ERI1: variants seen among roughly 807,000 people sequenced by gnomAD.
ERI1 encodes exoribonuclease 1, also known as 3'-5' exoribonuclease 1.
In ERI1, 39 loss-of-function variants were observed where a neutral mutation model predicts 39.7. The ratio of observed to expected loss-of-function variants is 0.98; its 90% CI spans 0.76 to 1.28. ERI1 has a LOEUF of 1.28. Ranked by LOEUF, ERI1 falls within the 50% of genes most tolerant of loss-of-function variation. The probability of loss-of-function intolerance (pLI) is 0.00; values close to 1 mark genes in which losing one functional copy is unlikely to be tolerated. For synonymous variants in ERI1, 204 were observed against 149.6 expected (o/e 1.36, Z -2.65); for missense variants, 581 against 416.9 (o/e 1.39, Z -3.43).
chr8:9,092,987 T>A (rs1799755129), intron 3 of ERI1, among the ~76,000 whole-genome samples: 1 of 152,222 alleles, frequency 6.6e-6, no homozygotes, highest in Non-Finnish European at 1.5e-5. Context: ...CCCATCACTC[T>A]AATGGTTGCC....
intron 6 of ERI1, among the ~76,000 whole-genome samples, chr8:9,024,672 C>G (rs114807283): frequency 3.3e-5 from 5 of 152,074 alleles, no homozygotes; most frequent in Non-Finnish European, 5.9e-5. Context: ...GATCTGCCCC[C>G]CCTCGGCCTC....
rs1444470796 is a variant in ERI1 at position 9,020,408 on chromosome 8, C to A, written c.751C>A (p.Pro251Thr). The change falls in exon 6 of 7, where the codon CCT becomes ACT. Residue 251 changes from proline (P) to threonine (T), a missense_variant. By Grantham distance (38) the Pro-to-Thr change is conservative. Coordinates refer to ENST00000250263, the MANE Select transcript of ERI1 (RefSeq NM_153332.4). ...GTGTCAACTCAGCAGGCTCAAATACCCTCCTTTTGCGAAAAAGTGGATCAA... is the reference window on the plus strand; with the variant it reads ...GTGTCAACTCAGCAGGCTCAAATACACTCCTTTTGCGAAAAAGTGGATCAA... ...IQCQLSRLKYPPFAKKWINIR... is the reference protein window; with the variant it reads ...IQCQLSRLKYTPFAKKWINIR... 1.2e-6 allele frequency: 2 copies of A among 1,606,600 alleles called. No individual in the cohort carries two copies. Among genetic ancestry groups the A allele is most frequent in the Non-Finnish European group, 1.7e-6 (2 of 1,177,012 alleles).
intron 3 of ERI1, among the ~76,000 whole-genome samples, chr8:9,053,393 G>A (rs1157530331): frequency 6.6e-6 from 1 of 152,176 alleles, no homozygotes; most frequent in Non-Finnish European, 1.5e-5. Flanking sequence ...GCTTCCAGGA[G>A]CTTCTGGGTT....
intron 2 of ERI1, chr8:9,009,015 T>A (rs1218671415): frequency 4.4e-6 from 2 of 456,188 alleles, no homozygotes; most frequent in Non-Finnish European, 4.4e-6. Flanking sequence ...ATTTCCCCGA[T>A]TCTTTCTGTT....
chr8:9,039,859 G>A (rs955984933), intron 3 of ERI1, among the ~76,000 whole-genome samples: 1 of 152,004 alleles, frequency 6.6e-6, no homozygotes, highest in African/African-American at 2.4e-5. Context: ...GACTGTATTT[G>A]GAGTAAATAT....
At chr8:9,054,997 A>T (rs762678322) in intron 3 of ERI1, among the ~76,000 whole-genome samples, 1 of 152,224 alleles carries the variant, frequency 6.6e-6, no homozygotes, top group Non-Finnish European at 1.5e-5. Context: ...AAAGGGTATG[A>T]ACTGTTAAAA....
chr8:9,003,629 G>A (rs1458267342), intron 1 of ERI1, among the ~76,000 whole-genome samples: 6 of 152,164 alleles, frequency 3.9e-5, no homozygotes, highest in Non-Finnish European at 8.8e-5. Context: ...GTTAAGTGGA[G>A]CTTCGTCTTA....
At chr8:9,015,060 C>T (rs2117219682) in intron 3 of ERI1, among the ~76,000 whole-genome samples, 1 of 152,248 alleles carries the variant, frequency 6.6e-6, no homozygotes, top group African/African-American at 2.4e-5. Flanking sequence ...TGGTCTTGAA[C>T]TCCTGACCTC....
At chr8:9,065,857 C>G (rs139738298) in intron 3 of ERI1, among the ~76,000 whole-genome samples, 73 of 152,180 alleles carry the variant, frequency 4.8e-4, no homozygotes, top group African/African-American at 1.7e-3. Flanking sequence ...CTGTTGCAAA[C>G]TCATGTTGTG....
At position 9,032,863 on chromosome 8, in the gene ERI1, C is replaced by A. The variant is rs944959927; in HGVS notation, c.*2829C>A. 1 of 152,260 alleles carries A rather than the reference C, an allele frequency of 6.6e-6. No homozygotes were observed. Among genetic ancestry groups the A allele is most frequent in the East Asian group, 1.9e-4 (1 of 5,190 alleles). 9.4% of individuals were successfully genotyped at this position (152,260 alleles called of 1,614,324 possible). A position where few individuals can be genotyped will look rare whatever the true frequency, so the allele number is the denominator to read the frequency against. On this transcript the variant is annotated 3_prime_UTR_variant, in exon 7 of 7. Coordinates refer to ENST00000250263, the MANE Select transcript of ERI1 (RefSeq NM_153332.4). ...TACCTGCCTCACAGATGAGCACGCA[C>A]GGGTGCATTGTCAAAGTCTGAGAAG...
chr8:9,098,794 A>G (rs1013957568), intron 3 of ERI1, among the ~76,000 whole-genome samples: 3 of 152,210 alleles, frequency 2.0e-5, no homozygotes, highest in African/African-American at 7.2e-5. Context: ...ATTGACTTAC[A>G]GCAAATTGCA....
At chr8:9,073,251 C>T (rs1799110752) in intron 3 of ERI1, among the ~76,000 whole-genome samples, 1 of 152,236 alleles carries the variant, frequency 6.6e-6, no homozygotes, top group Non-Finnish European at 1.5e-5. Flanking sequence ...TTAACCACCA[C>T]ATAGTAGCAT....
rs1475093301 is a variant in ERI1, at chr8:9,020,342, A to G, written c.693-8A>G. The G allele has an allele frequency of 6.6e-7, 1 of 1,515,244 alleles. No homozygotes were observed. Among genetic ancestry groups the G allele is most frequent in the Non-Finnish European group, 8.9e-7 (1 of 1,126,994 alleles). 93.9% of individuals were successfully genotyped at this position (1,515,244 alleles called of 1,614,324 possible). ...TTCATCAATTTTTTGTCCTTTTTTA[A>G]TTTATAGTTCTTGGGATATGAGTAA... On this transcript the variant is annotated splice_polypyrimidine_tract_variant and splice_region_variant and intron_variant, in intron 5 of 6. Transcript: ENST00000250263.
downstream of ERI1, among the ~76,000 whole-genome samples, chr8:9,037,416 CCTCT>C (rs1291096928): frequency 2.0e-5 from 3 of 151,596 alleles, no homozygotes; most frequent in East Asian, 1.9e-4. Context: ...GCAACAACTC[CCTCT>C]ATTTGTTCAT....
Position 9,065,612 on chromosome 8 carries a change from A to G in ERI1, n.299+45148A>G, listed in dbSNP as rs1038575743. ...CGGGAGGCTGAGGCAGGAAAATGGC[A>G]TGAACCCGGGAGGCGGAGCTTGCAG... On this transcript the variant is annotated intron_variant and non_coding_transcript_variant, in intron 3 of 3. Transcript: ENST00000518663. 6.9e-4 allele frequency among the ~76,000 whole-genome samples: 103 copies of G among 149,982 alleles called. 1 individual carries two copies. Among genetic ancestry groups the G allele is most frequent in the African/African-American group, 1.2e-3 (48 of 40,924 alleles).
At position 9,002,899 on chromosome 8, in the gene ERI1, A is replaced by C. The variant is rs1202656891; in HGVS notation, c.-165A>C. ...CGCCTGCCCGGCGTGTGGACGCCACACGCTCCCGGAAGTGGGAGGTGGCCG... is the reference window on the plus strand; with the variant it reads ...CGCCTGCCCGGCGTGTGGACGCCACCCGCTCCCGGAAGTGGGAGGTGGCCG... On this transcript the variant is annotated 5_prime_UTR_variant, in exon 1 of 7. Transcript: ENST00000250263. 5 of 443,190 alleles carry C rather than the reference A, an allele frequency of 1.1e-5. No homozygotes were observed. The highest frequency in any genetic ancestry group is 2.0e-5 in the African/African-American group (1 of 49,408). 27.5% of individuals were successfully genotyped at this position (443,190 alleles called of 1,614,324 possible). A position where few individuals can be genotyped will look rare whatever the true frequency, so the allele number is the denominator to read the frequency against.
At chr8:9,075,638 C>T (rs1166499421) in intron 3 of ERI1, among the ~76,000 whole-genome samples, 1 of 152,042 alleles carries the variant, frequency 6.6e-6, no homozygotes, top group Non-Finnish European at 1.5e-5. Flanking sequence ...CTTAGGAAAG[C>T]CACAAAGAAT....
intron 3 of ERI1, among the ~76,000 whole-genome samples, chr8:9,072,176 A>G (rs1799072739): frequency 1.3e-5 from 2 of 152,170 alleles, no homozygotes; most frequent in South Asian, 4.1e-4. Context: ...ACGTTTGACA[A>G]TAGCTTTCCT....
intron 3 of ERI1, among the ~76,000 whole-genome samples, chr8:9,046,410 T>C (rs1232687266): frequency 6.6e-6 from 1 of 152,182 alleles, no homozygotes; most frequent in East Asian, 1.9e-4. Flanking sequence ...ACCTCTGCAG[T>C]TCCTGAGGCC....
Sources: gnomAD v4.1 joint callset for allele counts (sites outside exome capture counted in the v4.1 genomes callset) on GRCh38, gnomAD v4.1.1 for gene constraint, MANE v1.5 for transcripts, NCBI Gene and HGNC (gene_info 2026-07-23, HGNC 2026-07-21) for gene names.